POLA1: variants seen among roughly 807,000 people sequenced by gnomAD.
POLA1 encodes DNA polymerase alpha catalytic subunit.
Under a neutral mutation model 124.0 loss-of-function variants are expected in POLA1, and 15 were observed. The ratio of observed to expected loss-of-function variants is 0.12; its 90% CI spans 0.08 to 0.19. The LOEUF (loss-of-function observed/expected upper bound fraction) is 0.19, where lower values mean the gene tolerates loss of function less well. Among genes scored for constraint, POLA1 ranks in the 10% least tolerant of loss-of-function variants. The probability of loss-of-function intolerance (pLI) is 1.00; values close to 1 mark genes in which losing one functional copy is unlikely to be tolerated. For synonymous variants in POLA1, 408 were observed against 389.4 expected, an observed-to-expected ratio of 1.05 and a Z score of -0.56; for missense variants, 886 against 1,103.4, an observed-to-expected ratio of 0.80 and a Z score of 2.79.
At chrX:24,733,609 A>T (rs1364408802) in intron 16 of POLA1, 146 bp from the exon 17 acceptor site, 2 of 347,262 alleles carry the variant, frequency 5.8e-6, no homozygotes, top group African/African-American at 5.3e-5. Context: ...CAACATGACC[A>T]GTGGAAGTAT....
chrX:24,726,073 A>C lies in POLA1; in HGVS notation c.1392+18A>C, dbSNP rs201306751. On this transcript the variant is annotated intron_variant, in intron 13 of 36. Transcript: ENST00000379068. ...AATACTCGGTAAGTCAAACAAAGAA[A>C]ATTACTGGGTTTTGCTTGAGAATGA... is the stretch of plus-strand genomic sequence containing the variant. 1.0e-6 allele frequency: 1 copy of C among 996,323 alleles called. No homozygotes were observed. Among genetic ancestry groups the C allele is most frequent in the Admixed American group, 2.5e-5 (1 of 40,584 alleles). 82.1% of individuals were successfully genotyped at this position (996,323 alleles called of 1,213,427 possible).
At chrX:24,835,555 T>C (rs59218021) in intron 32 of POLA1, among the ~76,000 whole-genome samples, 1,141 of 110,429 alleles carry the variant, frequency 0.01, 17 homozygotes, top group African/African-American at 0.036. Context: ...GGTAGTTAAT[T>C]TCTATTTTTT....
chrX:24,891,423 C>T (rs776312348), intron 35 of POLA1, among the ~76,000 whole-genome samples: 8 of 111,520 alleles, frequency 7.2e-5, no homozygotes, highest in Non-Finnish European at 1.5e-4. Context: ...CTCTTATGTA[C>T]TCGATTTTGA....
intron 35 of POLA1, among the ~76,000 whole-genome samples, chrX:24,921,321 C>T (rs763268128): frequency 2.7e-5 from 3 of 111,790 alleles, no homozygotes; most frequent in African/African-American, 6.5e-5. Context: ...AGTGTAGCAT[C>T]GGAACTAAAA....
At chrX:24,772,089 T>C (rs912341725) in intron 26 of POLA1, among the ~76,000 whole-genome samples, 1 of 111,949 alleles carries the variant, frequency 8.9e-6, no homozygotes, top group Non-Finnish European at 1.9e-5. Context: ...TCTCTGTAAT[T>C]AGTAATTTAT....
chrX:24,865,978 A>C (rs911706928), intron 34 of POLA1, among the ~76,000 whole-genome samples: 2 of 111,923 alleles, frequency 1.8e-5, no homozygotes, highest in African/African-American at 6.5e-5. Flanking sequence ...TGACAAAAAT[A>C]CGATGTTTTA....
intron 35 of POLA1, among the ~76,000 whole-genome samples, chrX:24,910,915 A>G (rs1030122194): frequency 8.9e-6 from 1 of 112,475 alleles, no homozygotes; most frequent in African/African-American, 3.2e-5. Context: ...CTCTCCAACA[A>G]TAACACCATC....
intron 31 of POLA1, among the ~76,000 whole-genome samples, chrX:24,822,621 C>T (rs1042036263): frequency 8.9e-6 from 1 of 112,023 alleles, no homozygotes. Flanking sequence ...CTGTCTCCCC[C>T]CTAGGGTTAC....
chrX:24,970,324 A>C (rs1004657106), intron 36 of POLA1, among the ~76,000 whole-genome samples: 5 of 112,571 alleles, frequency 4.4e-5, no homozygotes, highest in Non-Finnish European at 9.4e-5. Context: ...TTAAAGACTT[A>C]CATGTAAAAC....
At chrX:24,820,307 C>T (rs4468067) in intron 30 of POLA1, among the ~76,000 whole-genome samples, 65 of 110,940 alleles carry the variant, frequency 5.9e-4, no homozygotes, top group Admixed American at 9.6e-4. Context: ...TAGTTTTGAT[C>T]TCTGGACCCC....
At chrX:24,951,773 G>A (rs2048048522) in intron 36 of POLA1, among the ~76,000 whole-genome samples, 1 of 111,410 alleles carries the variant, frequency 9.0e-6, no homozygotes, top group Admixed American at 9.6e-5. Flanking sequence ...AAATATTTAA[G>A]CACTTCTAAA....
intron 26 of POLA1, among the ~76,000 whole-genome samples, chrX:24,767,451 T>C (rs989780843): frequency 9.0e-6 from 1 of 111,547 alleles, no homozygotes; most frequent in African/African-American, 3.3e-5. Flanking sequence ...AGTAAATAAT[T>C]AGACATGCAG....
chrX:24,700,737 G>A (rs1037579179), intron 2 of POLA1, among the ~76,000 whole-genome samples: 1 of 111,636 alleles, frequency 9.0e-6, no homozygotes, highest in African/African-American at 3.3e-5. Context: ...TTGAACTCTT[G>A]ACTTCAAATG....
chrX:24,841,015 G>T (rs1265832013), intron 32 of POLA1, among the ~76,000 whole-genome samples: 3 of 112,136 alleles, frequency 2.7e-5, no homozygotes, highest in Non-Finnish European at 5.6e-5. Context: ...AGGTATATTT[G>T]GTTTCAGGAT....
intron 4 of POLA1, among the ~76,000 whole-genome samples, chrX:24,706,190 C>T (rs976483724): frequency 8.9e-6 from 1 of 112,120 alleles, no homozygotes; most frequent in Admixed American, 9.5e-5. Flanking sequence ...AATTCAGTAG[C>T]CATTATTATC....
At chrX:24,958,818 C>T (rs2048137241) in intron 36 of POLA1, among the ~76,000 whole-genome samples, 1 of 111,387 alleles carries the variant, frequency 9.0e-6, no homozygotes, top group African/African-American at 3.3e-5. Context: ...ATTGGTTTAT[C>T]GAGTTTCCCC....
chrX:24,926,261 C>T (rs1021122850), intron 35 of POLA1, among the ~76,000 whole-genome samples: 10 of 110,100 alleles, frequency 9.1e-5, no homozygotes, highest in Non-Finnish European at 1.7e-4. Context: ...ACAAACTGTA[C>T]GACTGCATGC....
intron 11 of POLA1, 77 bp downstream of exon 11, chrX:24,723,344 C>A: frequency 1.6e-6 from 1 of 617,145 alleles, no homozygotes. Context: ...CCAGCTCTCT[C>A]TCTTTCAATA....
intron 35 of POLA1, among the ~76,000 whole-genome samples, chrX:24,892,730 G>A (rs932330115): frequency 5.3e-5 from 6 of 112,319 alleles, no homozygotes; most frequent in South Asian, 3.7e-4. Context: ...GAAAATGTCT[G>A]TATGTGACTC....
Sources: allele counts gnomAD v4.1 joint callset (sites outside exome capture counted in the v4.1 genomes callset), GRCh38; gene constraint gnomAD v4.1.1; transcripts MANE v1.5; gene names NCBI Gene and HGNC (gene_info 2026-07-23, HGNC 2026-07-21).